TENM1: variants seen among roughly 807,000 people sequenced by gnomAD.
TENM1 encodes the protein teneurin-1.
Under a neutral mutation model 174.8 loss-of-function variants are expected in TENM1, and 35 were observed. That is an observed-to-expected ratio of 0.20 (90% confidence interval 0.15 to 0.27). The LOEUF (loss-of-function observed/expected upper bound fraction) is 0.27, where lower values mean the gene tolerates loss of function less well. Among genes scored for constraint, TENM1 ranks in the 10% least tolerant of loss-of-function variants. The probability of loss-of-function intolerance (pLI) is 1.00; values close to 1 mark genes in which losing one functional copy is unlikely to be tolerated. For synonymous variants in TENM1, 781 were observed against 798.7 expected, an observed-to-expected ratio of 0.98 and a Z score of 0.37; for missense variants, 1,633 against 2,130.1, an observed-to-expected ratio of 0.77 and a Z score of 4.59.
chrX:124,856,012 G>A (rs1352100724), intron 3 of TENM1, among the ~76,000 whole-genome samples: 2 of 110,133 alleles, frequency 1.8e-5, no homozygotes, highest in African/African-American at 6.6e-5. Flanking sequence ...GGAGTGTTGG[G>A]TACGGTGGTG....
At chrX:124,952,778 T>C (rs980131447) in intron 1 of TENM1, among the ~76,000 whole-genome samples, 1 of 111,631 alleles carries the variant, frequency 9.0e-6, no homozygotes, top group Non-Finnish European at 1.9e-5. Context: ...CTTTCTTCCA[T>C]GACATAAAAG....
At chrX:124,450,918 T>A (rs2061028313) in intron 23 of TENM1, among the ~76,000 whole-genome samples, 1 of 112,536 alleles carries the variant, frequency 8.9e-6, no homozygotes, top group Admixed American at 9.4e-5. Flanking sequence ...CTTTATTGTT[T>A]AAACAACTTT....
At chrX:124,824,776 A>G (rs2056117273) in intron 3 of TENM1, among the ~76,000 whole-genome samples, 1 of 111,728 alleles carries the variant, frequency 9.0e-6, no homozygotes, top group Non-Finnish European at 1.9e-5. Context: ...TCAGAGGAGG[A>G]TATCATTTTG....
At chrX:124,778,386 A>G (rs1337611667) in intron 3 of TENM1, among the ~76,000 whole-genome samples, 1 of 111,951 alleles carries the variant, frequency 8.9e-6, no homozygotes, top group Admixed American at 9.5e-5. Context: ...TTCGCTCAGT[A>G]AAGTCCTGCT....
chrX:124,427,075 G>T (rs986841685), intron 23 of TENM1, among the ~76,000 whole-genome samples: 5 of 111,969 alleles, frequency 4.5e-5, no homozygotes, highest in Non-Finnish European at 7.5e-5. Context: ...GGCTGAGGAA[G>T]AGGAAATGAA....
intron 28 of TENM1, among the ~76,000 whole-genome samples, chrX:124,391,830 T>C (rs1242455463): frequency 8.9e-6 from 1 of 112,104 alleles, no homozygotes; most frequent in Admixed American, 9.5e-5. Flanking sequence ...ATTCTGACTT[T>C]AGTCTGAAAG....
chrX:124,588,929 T>C (rs1164119703), intron 11 of TENM1, among the ~76,000 whole-genome samples: 3 of 110,456 alleles, frequency 2.7e-5, no homozygotes, highest in African/African-American at 6.6e-5. Context: ...GCACTTATAG[T>C]ACTATGTTAA....
chrX:124,848,037 G>C (rs1465032038), intron 3 of TENM1, among the ~76,000 whole-genome samples: 3 of 110,600 alleles, frequency 2.7e-5, no homozygotes, highest in Non-Finnish European at 5.7e-5. Context: ...CAGGTGCTTT[G>C]GAAATGGCTT....
chrX:125,011,165 C>T, the TENM1 span, among the ~76,000 whole-genome samples: 3 of 111,711 alleles, frequency 2.7e-5, no homozygotes, highest in Admixed American at 1.9e-4. Context: ...TTCCTTACCC[C>T]TTATACAAAG....
the TENM1 span, among the ~76,000 whole-genome samples, chrX:125,174,887 C>T: frequency 9.0e-6 from 1 of 111,659 alleles, no homozygotes; most frequent in Non-Finnish European, 1.9e-5. Context: ...ACTTTAACTG[C>T]CCTTGGCCTC....
intron 22 of TENM1, among the ~76,000 whole-genome samples, chrX:124,457,838 G>T (rs2061126894): frequency 8.9e-6 from 1 of 111,856 alleles, no homozygotes; most frequent in Non-Finnish European, 1.9e-5. Flanking sequence ...TACAGCTGTT[G>T]AGGCCACCTA....
chrX:124,977,963 TGTGTGA>T, the TENM1 span, among the ~76,000 whole-genome samples: 616 of 40,535 alleles, frequency 0.015, 4 homozygotes, highest in East Asian at 0.051. Context: ...TGTGTGTGTG[TGTGTGA>T]GAGAGAGAGA....
the TENM1 span, among the ~76,000 whole-genome samples, chrX:125,072,347 G>T: frequency 9.0e-6 from 1 of 111,326 alleles, no homozygotes; most frequent in Non-Finnish European, 1.9e-5. Context: ...GTCAATAAAA[G>T]CCAGAATAAT....
At chrX:125,197,059 C>T in the TENM1 span, among the ~76,000 whole-genome samples, 4 of 111,434 alleles carry the variant, frequency 3.6e-5, no homozygotes, top group Non-Finnish European at 7.6e-5. Context: ...TTAGAATCCA[C>T]CAATTATGCA....
intron 3 of TENM1, among the ~76,000 whole-genome samples, chrX:124,786,237 A>AT (rs2055033676): frequency 9.0e-6 from 1 of 111,286 alleles, no homozygotes; most frequent in South Asian, 3.7e-4. Context: ...GGAAGACACG[A>AT]ATAAATAGGT....
intron 25 of TENM1, among the ~76,000 whole-genome samples, chrX:124,409,649 C>T (rs1442622608): frequency 3.7e-5 from 4 of 107,695 alleles, no homozygotes; most frequent in Non-Finnish European, 7.7e-5. Context: ...TCTCCTTAAG[C>T]TGATAAGCAA....
chrX:124,695,292 T>C (rs375867750), intron 5 of TENM1, among the ~76,000 whole-genome samples: 1 of 111,250 alleles, frequency 9.0e-6, no homozygotes, highest in African/African-American at 3.3e-5. Flanking sequence ...CATGGGGAAA[T>C]GGGAGAATGC....
chrX:124,442,669 A>C (rs2060915944), intron 23 of TENM1, among the ~76,000 whole-genome samples: 1 of 111,452 alleles, frequency 9.0e-6, no homozygotes, highest in Non-Finnish European at 1.9e-5. Context: ...CTGTTAAAGA[A>C]AATTTTTTTT....
At chrX:124,739,864 G>A (rs1569565) in intron 3 of TENM1, among the ~76,000 whole-genome samples, 14,528 of 111,520 alleles carry the variant, frequency 0.13, 1,105 homozygotes, top group African/African-American at 0.28. Flanking sequence ...AATAGAAGAG[G>A]GTTTGACTGG....
Sources: gnomAD v4.1 joint callset for allele counts (sites outside exome capture counted in the v4.1 genomes callset) on GRCh38, gnomAD v4.1.1 for gene constraint, MANE v1.5 for transcripts, NCBI Gene and HGNC (gene_info 2026-07-23, HGNC 2026-07-21) for gene names.